TANC2: variants seen among roughly 807,000 people sequenced by gnomAD.
TANC2 encodes tetratricopeptide repeat, ankyrin repeat and coiled-coil containing 2, also known as protein TANC2.
TANC2 carries 26 observed loss-of-function variants against 210.5 expected under a neutral mutation model. The observed-to-expected ratio is 0.12, with a 90% CI of 0.09 to 0.17. The LOEUF (loss-of-function observed/expected upper bound fraction) is 0.17, where lower values mean the gene tolerates loss of function less well. Among genes scored for constraint, TANC2 ranks in the 10% least tolerant of loss-of-function variants. TANC2 has a pLI of 1.00. For synonymous variants in TANC2, 931 were observed against 967.1 expected, an observed-to-expected ratio of 0.96 and a Z score of 0.69; for missense variants, 2,129 against 2,608.9, an observed-to-expected ratio of 0.82 and a Z score of 4.01.
chr17:63,116,555 G>A (rs138723750), intron 4 of TANC2, among the ~76,000 whole-genome samples: 74 of 152,300 alleles, frequency 4.9e-4, no homozygotes, highest in Middle Eastern at 3.4e-3. Flanking sequence ...ATGAATGAAG[G>A]CTATGAGCAT....
At chr17:63,288,369 T>C (rs998289152) in intron 9 of TANC2, among the ~76,000 whole-genome samples, 3 of 152,244 alleles carry the variant, frequency 2.0e-5, no homozygotes, top group Non-Finnish European at 4.4e-5. Context: ...AATAATTCCA[T>C]TGTGATCTGA....
Position 63,174,756 on chromosome 17 carries a change from T to C in TANC2, c.434-19235T>C, listed in dbSNP as rs1216475469. Among the ~76,000 whole-genome samples the C allele has an allele frequency of 2.0e-5, 3 of 152,206 alleles. No homozygotes were observed. The East Asian group carries it at 5.8e-4, about 29-fold the overall frequency. ...TTCTATAATTGCATTTATATAAATG[T>C]AATTACATATATAAATGTGTTCAGA... On this transcript the variant is annotated intron_variant, in intron 5 of 27. Transcript: ENST00000689528.
At chr17:63,213,176 G>C (rs1282105459) in intron 7 of TANC2, among the ~76,000 whole-genome samples, 1 of 152,170 alleles carries the variant, frequency 6.6e-6, no homozygotes, top group African/African-American at 2.4e-5. Flanking sequence ...CCTACCGTAT[G>C]TGCTCATGGT....
chr17:63,298,160 T>C (rs1307766581), intron 9 of TANC2, among the ~76,000 whole-genome samples: 1 of 152,186 alleles, frequency 6.6e-6, no homozygotes, highest in East Asian at 1.9e-4. Flanking sequence ...CCTCATATAG[T>C]TAAACATAGA....
intron 7 of TANC2, among the ~76,000 whole-genome samples, chr17:63,225,600 A>G (rs957024020): frequency 2.0e-5 from 3 of 152,158 alleles, no homozygotes; most frequent in African/African-American, 7.2e-5. Context: ...CTCTTCCTGT[A>G]TTCCCTAAGT....
At chr17:63,407,375 A>G (rs148508327) in intron 21 of TANC2, among the ~76,000 whole-genome samples, 3 of 152,340 alleles carry the variant, frequency 2.0e-5, no homozygotes, top group African/African-American at 7.2e-5. Context: ...TTCTCAAGAT[A>G]AGATGTGTCC....
intron 2 of TANC2, among the ~76,000 whole-genome samples, chr17:63,056,004 T>A (rs1288092217): frequency 6.0e-5 from 3 of 50,040 alleles, no homozygotes; most frequent in Non-Finnish European, 8.4e-5. Flanking sequence ...TATATATATA[T>A]ATATATATAT....
intron 7 of TANC2, among the ~76,000 whole-genome samples, chr17:63,223,250 C>T (rs2042242635): frequency 6.6e-6 from 1 of 152,066 alleles, no homozygotes; most frequent in African/African-American, 2.4e-5. Context: ...TGCAGGTGCA[C>T]CCCAAAATTA....
chr17:63,278,736 G>C (rs559279448), intron 9 of TANC2, among the ~76,000 whole-genome samples: 25 of 152,216 alleles, frequency 1.6e-4, no homozygotes, highest in African/African-American at 6.0e-4. Context: ...AATGTTAAAG[G>C]ATGAATGGAT....
At chr17:63,261,128 C>G (rs1356339614) in intron 8 of TANC2, among the ~76,000 whole-genome samples, 4 of 151,952 alleles carry the variant, frequency 2.6e-5, no homozygotes, top group Admixed American at 6.6e-5. Context: ...CTTAGCCTCC[C>G]AGCTACTTCG....
intron 1 of TANC2, among the ~76,000 whole-genome samples, chr17:63,007,355 C>CT (rs1204193819): frequency 3.3e-5 from 5 of 152,104 alleles, no homozygotes; most frequent in Non-Finnish European, 7.4e-5. Flanking sequence ...GTGATGCCAC[C>CT]TTTCTTTTTG....
chr17:63,184,038 T>C (rs2040887550), intron 5 of TANC2, among the ~76,000 whole-genome samples: 2 of 150,700 alleles, frequency 1.3e-5, no homozygotes, highest in South Asian at 4.2e-4. Context: ...GAAATGCAAA[T>C]GTGTTTGGTG....
intron 6 of TANC2, among the ~76,000 whole-genome samples, chr17:63,198,482 C>T (rs1435830030): frequency 6.6e-6 from 1 of 152,172 alleles, no homozygotes; most frequent in African/African-American, 2.4e-5. Flanking sequence ...AGACATAGGC[C>T]ACCATGCTGG....
intron 15 of TANC2, 124 bp from the exon 16 acceptor site, chr17:63,388,511 A>C (rs1325599280): frequency 2.0e-6 from 2 of 981,554 alleles, no homozygotes; most frequent in Admixed American, 3.0e-5. Context: ...CTTGGCATGA[A>C]CATTGTTAGG....
At chr17:63,220,249 C>T (rs967649059) in intron 7 of TANC2, among the ~76,000 whole-genome samples, 4 of 151,426 alleles carry the variant, frequency 2.6e-5, no homozygotes, top group Non-Finnish European at 5.9e-5. Flanking sequence ...GAGCCAAGAT[C>T]GTGCCATTGC....
intron 19 of TANC2, among the ~76,000 whole-genome samples, chr17:63,402,811 G>A (rs148217946): frequency 1.7e-3 from 258 of 152,318 alleles, no homozygotes; most frequent in African/African-American, 4.9e-3. Flanking sequence ...TATAGAATTG[G>A]CTTTACCTTC....
chr17:63,359,801 T>G (rs972489888), intron 14 of TANC2, among the ~76,000 whole-genome samples: 2 of 152,164 alleles, frequency 1.3e-5, no homozygotes, highest in African/African-American at 4.8e-5. Context: ...CCTGATTTCC[T>G]CAAATTAAAG....
rs543298940 is a variant in TANC2 at position 63,292,690 on chromosome 17, G to A, written c.1160-21698G>A. 2.0e-5 allele frequency among the ~76,000 whole-genome samples: 3 copies of A among 152,326 alleles called. No homozygotes were observed. The South Asian group carries it at 6.2e-4, about 32-fold the overall frequency. The stretch of plus-strand genomic sequence containing the variant: ...GTTTAGTTTTGTTTTAAATAAGTGT[G>A]TGTGGGATGGGGTGATTATGATTAC... On this transcript the variant is annotated intron_variant, in intron 9 of 27. Coordinates refer to ENST00000689528, the Ensembl canonical transcript of TANC2.
chr17:63,123,990 A>T (rs943730282), intron 4 of TANC2, among the ~76,000 whole-genome samples: 1 of 152,094 alleles, frequency 6.6e-6, no homozygotes, highest in South Asian at 2.1e-4. Context: ...CATGAGCCAC[A>T]GCGCCCGGCC....
Sources: allele counts gnomAD v4.1 joint callset (sites outside exome capture counted in the v4.1 genomes callset), GRCh38; gene constraint gnomAD v4.1.1; transcripts MANE v1.5; gene names NCBI Gene and HGNC (gene_info 2026-07-23, HGNC 2026-07-21).